Variants in CEP70 observed in about 807,000 individuals in gnomAD.
CEP70 encodes centrosomal protein 70.
In CEP70, 70 loss-of-function variants were observed where a neutral mutation model predicts 90.9. The observed-to-expected ratio is 0.77, with a 90% CI of 0.64 to 0.94. CEP70 has a LOEUF of 0.94. CEP70 is among the 40% of genes least tolerant of loss of function. CEP70 has a pLI of 0.00. For missense variants in CEP70, 648 were observed against 669.0 expected, an observed-to-expected ratio of 0.97 and a Z score of 0.35; for synonymous variants, 220 against 228.3, an observed-to-expected ratio of 0.96 and a Z score of 0.33.
At chr3:138,507,761 A>T (rs975430297) in intron 12 of CEP70, among the ~76,000 whole-genome samples, 4 of 152,234 alleles carry the variant, frequency 2.6e-5, no homozygotes, top group Admixed American at 1.3e-4. Context: ...CTGACAAGGG[A>T]AAGGCCTAAT....
intron 11 of CEP70, among the ~76,000 whole-genome samples, chr3:138,515,467 C>CA (rs145902706): frequency 0.49 from 31,850 of 65,302 alleles, 7,192 homozygotes; most frequent in Non-Finnish European, 0.54. Context: ...CATAGAAATG[C>CA]AAAAAAAAAA....
chr3:138,560,614 A>G (rs971516264), intron 6 of CEP70, among the ~76,000 whole-genome samples: 4 of 151,970 alleles, frequency 2.6e-5, no homozygotes, highest in African/African-American at 9.7e-5. Context: ...GCAAGCTAAG[A>G]TATGCTGGCT....
At chr3:138,573,080 G>A (rs950980166) in intron 2 of CEP70, 148 bp from the exon 3 acceptor site, 57 of 611,754 alleles carry the variant, frequency 9.3e-5, no homozygotes, top group Admixed American at 5.7e-4. Context: ...TCATTCCTGC[G>A]TCAAAACTTT....
intron 6 of CEP70, among the ~76,000 whole-genome samples, chr3:138,543,663 G>A (rs1261821854): frequency 6.6e-6 from 1 of 152,176 alleles, no homozygotes; most frequent in Admixed American, 6.5e-5. Flanking sequence ...CTCCTCCACT[G>A]CTGGCTTCCT....
chr3:138,572,969 A>C, intron 2 of CEP70, 37 bp from the exon 3 acceptor site: 1 of 1,468,026 alleles, frequency 6.8e-7, no homozygotes, highest in East Asian at 2.3e-5. Flanking sequence ...ATTGGCAATT[A>C]AAAAATTTGA....
At chr3:138,574,890 A>G (rs996890382) in intron 2 of CEP70, among the ~76,000 whole-genome samples, 4 of 152,220 alleles carry the variant, frequency 2.6e-5, no homozygotes, top group African/African-American at 9.6e-5. Flanking sequence ...AACAAACAGA[A>G]AGGAAAAGCA....
At chr3:138,591,363 C>CA (rs1264012849) in intron 2 of CEP70, among the ~76,000 whole-genome samples, 1 of 149,718 alleles carries the variant, frequency 6.7e-6, no homozygotes, top group African/African-American at 2.5e-5. Flanking sequence ...ACAAATATTC[C>CA]AATTTTTTTT....
intron 13 of CEP70, among the ~76,000 whole-genome samples, chr3:138,502,553 T>G (rs965323187): frequency 6.7e-6 from 1 of 148,286 alleles, no homozygotes; most frequent in Non-Finnish European, 1.5e-5. Context: ...AAAAAAAAAG[T>G]CAGCAAGTAA....
At chr3:138,535,192 C>T (rs151153638) in intron 7 of CEP70, among the ~76,000 whole-genome samples, 2 of 152,302 alleles carry the variant, frequency 1.3e-5, no homozygotes, top group African/African-American at 2.4e-5. Context: ...CTCTTGACGT[C>T]CCAAACACAT....
At chr3:138,503,059 C>T (rs1008632245) in intron 13 of CEP70, among the ~76,000 whole-genome samples, 1 of 152,154 alleles carries the variant, frequency 6.6e-6, no homozygotes, top group Non-Finnish European at 1.5e-5. Flanking sequence ...ACCATCTTAA[C>T]AATTTTTAAA....
At chr3:138,523,190 T>A (rs988640451) in intron 11 of CEP70, among the ~76,000 whole-genome samples, 4 of 152,134 alleles carry the variant, frequency 2.6e-5, no homozygotes, top group Admixed American at 6.6e-5. Flanking sequence ...CATGCTAAAA[T>A]CGCTCAATAA....
At chr3:138,572,380 C>G in intron 3 of CEP70, among the ~76,000 whole-genome samples, 1 of 152,168 alleles carries the variant, frequency 6.6e-6, no homozygotes, top group East Asian at 1.9e-4. Flanking sequence ...GTGGTAGACA[C>G]AACTAAAATT....
intron 2 of CEP70, among the ~76,000 whole-genome samples, chr3:138,575,224 C>A (rs1243932237): frequency 1.3e-5 from 2 of 152,122 alleles, no homozygotes; most frequent in Non-Finnish European, 2.9e-5. Flanking sequence ...AGATGAATAG[C>A]TTACTAGAAT....
chr3:138,551,893 A>G (rs1193706901), intron 6 of CEP70, among the ~76,000 whole-genome samples: 2 of 152,180 alleles, frequency 1.3e-5, no homozygotes, highest in Non-Finnish European at 2.9e-5. Flanking sequence ...TGCACAATGG[A>G]TAAGAATTCA....
At chr3:138,524,965 G>C (rs1253666426) in intron 11 of CEP70, among the ~76,000 whole-genome samples, 7 of 152,136 alleles carry the variant, frequency 4.6e-5, no homozygotes, top group Non-Finnish European at 8.8e-5. Flanking sequence ...ACATGCACAC[G>C]TATGTTTATT....
chr3:138,514,330 T>G (rs978781090), intron 11 of CEP70, among the ~76,000 whole-genome samples: 4 of 152,232 alleles, frequency 2.6e-5, no homozygotes, highest in African/African-American at 9.6e-5. Context: ...ATATAATGGA[T>G]TGTATCTGCC....
In CEP70 at chr3:138,552,662, G is replaced by GA. The variant is rs1326160031; in HGVS notation, c.466-15316dup. Among the ~76,000 whole-genome samples, 4 of 152,178 alleles carry GA rather than the reference G, an allele frequency of 2.6e-5. No homozygotes were observed. In the East Asian group the frequency reaches 7.7e-4, roughly 29 times the overall value. On this transcript the variant is annotated intron_variant, in intron 6 of 17. Transcript: ENST00000264982. ...TGACATAACCTATCAAAACCTCTGG[G>GA]ATACAGTAAAGGTGGTGCTAAGAGG... is the stretch of plus-strand genomic sequence containing the variant.
intron 10 of CEP70, among the ~76,000 whole-genome samples, chr3:138,528,573 A>C (rs1411779388): frequency 2.0e-5 from 3 of 152,218 alleles, no homozygotes; most frequent in African/African-American, 7.2e-5. Flanking sequence ...GGATGAAGAA[A>C]AATTGGCCGG....
intron 2 of CEP70, among the ~76,000 whole-genome samples, chr3:138,573,476 CAAAGCCAGTG>C (rs1259817581): frequency 6.6e-6 from 1 of 151,376 alleles, no homozygotes; most frequent in Non-Finnish European, 1.5e-5. Context: ...TCTAAAATTC[CAAAGCCAGTG>C]AAAACATTCA....
Sources: gnomAD v4.1 joint callset for allele counts (sites outside exome capture counted in the v4.1 genomes callset) on GRCh38, gnomAD v4.1.1 for gene constraint, MANE v1.5 for transcripts, NCBI Gene and HGNC (gene_info 2026-07-23, HGNC 2026-07-21) for gene names.